The following JUP variants were observed in gnomAD, a reference collection of about 807,000 sequenced individuals.
JUP encodes the protein junction plakoglobin, also known as catenin (cadherin-associated protein), gamma 80kDa.
A neutral mutation model predicts 71.1 loss-of-function variants in JUP; 28 were observed. The ratio of observed to expected loss-of-function variants is 0.39; its 90% confidence interval spans 0.29 to 0.54. JUP has a LOEUF of 0.54. Ranked by LOEUF, JUP falls within the 20% of genes least tolerant of loss-of-function variation. JUP has a pLI of 0.62. For synonymous variants in JUP, 401 were observed against 438.9 expected (o/e 0.91, Z 1.08); for missense variants, 869 against 1,030.1 (o/e 0.84, Z 2.14).
Position 41,758,726 on chromosome 17 carries a change from G to C in JUP, c.1642C>G (p.Gln548Glu), listed in dbSNP as rs782728300. Reference sequence around the variant, plus strand: ...ACCAGCTCACATACCGTGTAGGGCTGCTGTGTGCCTGCAGCTACGTGGCGC... The same window carrying C: ...ACCAGCTCACATACCGTGTAGGGCTCCTGTGTGCCTGCAGCTACGTGGCGC... The part of the protein sequence containing the change: ...AQRHVAAGTQ[Q>E]PYTDGVRMEE... Residue 548 changes from glutamine to glutamate, a missense_variant, in exon 9 of 14, where the codon CAG (glutamine) becomes GAG (glutamate). Physicochemically the swap from Gln to Glu is conservative, Grantham distance 29. Transcript: ENST00000393931. 2 of 1,601,478 alleles carry C rather than the reference G, an allele frequency of 1.2e-6. No homozygotes were observed. The highest frequency in any genetic ancestry group is 2.7e-5 in the African/African-American group (2 of 74,658).
In JUP at chr17:41,767,334, C is replaced by A. The variant is rs1442839151; in HGVS notation, c.909+45G>T. The A allele has an allele frequency of 1.9e-6, 3 of 1,548,760 alleles. No homozygotes were observed. The East Asian group carries it at 6.7e-5, about 35-fold the overall frequency. ...CAAGGCTGTGCAGGATAGAAGATGG[C>A]GCAAGGGTGGGCTTCAGGCCTCGGG... On this transcript the variant is annotated intron_variant, in intron 5 of 13. Transcript: ENST00000393931.
chr17:41,768,914 G>A (rs1916121030), intron 4 of JUP, 55 bp downstream of exon 4: 11 of 1,334,516 alleles, frequency 8.2e-6, no homozygotes, highest in Non-Finnish European at 1.2e-5. Flanking sequence ...GAAGGGAGGG[G>A]AGAGGCCCAA....
chr17:41,772,926 G>C (rs1207326003), intron 1 of JUP: 5 of 985,378 alleles, frequency 5.1e-6, no homozygotes, highest in Non-Finnish European at 6.0e-6. Context: ...GAGGTCAGAG[G>C]CTGCGGGGAG....
chr17:41,758,255 A>T, intron 10 of JUP, 144 bp downstream of exon 10: 3 of 954,472 alleles, frequency 3.1e-6, no homozygotes, highest in Non-Finnish European at 4.8e-6. Context: ...GTTGCTAAGT[A>T]GTCAATCTGG....
intron 13 of JUP, 139 bp from the exon 14 acceptor site, chr17:41,756,034 A>ATCCACATGTACCCCAG: frequency 7.5e-7 from 1 of 1,334,012 alleles, no homozygotes; most frequent in Non-Finnish European, 1.1e-6. Context: ...ACACCAGGGC[A>ATCCACATGTACCCCAG]TCTAGACTGG....
intron 4 of JUP, among the ~76,000 whole-genome samples, chr17:41,768,682 C>A (rs1243282675): frequency 6.6e-6 from 1 of 152,216 alleles, no homozygotes; most frequent in East Asian, 1.9e-4. Context: ...TTCCTCTGCA[C>A]TAGCCAAACT....
At chr17:41,759,484 C>T (rs80042105) in intron 8 of JUP, among the ~76,000 whole-genome samples, 1 of 151,568 alleles carries the variant, frequency 6.6e-6, no homozygotes, top group Non-Finnish European at 1.5e-5. Context: ...AACCACCCCC[C>T]ACAGACACCA....
chr17:41,774,233 G>C (rs143452812), intron 1 of JUP, among the ~76,000 whole-genome samples: 2,340 of 151,918 alleles, frequency 0.015, 36 homozygotes, highest in Non-Finnish European at 0.021. Flanking sequence ...GGATGCCATG[G>C]GGGGGTGGGG....
chr17:41,760,236 GT>G (rs761170665), intron 8 of JUP, among the ~76,000 whole-genome samples: 1 of 151,088 alleles, frequency 6.6e-6, no homozygotes. Context: ...TCTGCACTGG[GT>G]TTTTTTTGTT....
chr17:41,767,379 C>T lies in JUP; in HGVS notation c.909G>A (p.Lys303=). ...CTCGGGAGAGTTGGGGAGGGCCCAC[C>T]TTGCTCTCCTGGTTGCCGTAGGCCA... ...QLLAYGNQES[K]LIILANGGPQ... Residue 303 remains lysine (K), a splice_region_variant and synonymous_variant, in exon 5 of 14, where the codon AAG becomes AAA. Coordinates refer to ENST00000393931, the MANE Select transcript of JUP (RefSeq NM_002230.4). The T allele has an allele frequency of 6.2e-7, 1 of 1,613,972 alleles. No individual in the cohort carries two copies. The highest frequency in any genetic ancestry group is 1.1e-5 in the South Asian group (1 of 91,076).
At chr17:41,774,909 T>G (rs1236174541) in intron 1 of JUP, among the ~76,000 whole-genome samples, 1 of 151,894 alleles carries the variant, frequency 6.6e-6, no homozygotes, top group Non-Finnish European at 1.5e-5. Context: ...AAGACCATCC[T>G]GGTCAACATG....
At chr17:41,767,230 T>C (rs1555604419) in intron 5 of JUP, 149 bp downstream of exon 5, 1 of 664,370 alleles carries the variant, frequency 1.5e-6, no homozygotes, top group Non-Finnish European at 2.6e-6. Context: ...AAATAATAAT[T>C]CTGGGCAATT....
intron 1 of JUP, among the ~76,000 whole-genome samples, chr17:41,783,911 A>C (rs1256433153): frequency 2.0e-5 from 3 of 151,706 alleles, no homozygotes; most frequent in Non-Finnish European, 2.9e-5. Flanking sequence ...AAAAAAAAAA[A>C]AAAAAAGAAA....
At position 41,771,662 on chromosome 17, in the gene JUP, C is replaced by A. The variant is rs727503100; in HGVS notation, c.193G>T (p.Val65Leu). 6.8e-6 allele frequency: 11 copies of A among 1,613,246 alleles called. No homozygotes were observed. Among genetic ancestry groups the A allele is most frequent in the South Asian group, 4.4e-5 (4 of 91,066 alleles). Residue 65 changes from valine (V) to leucine (L), a missense_variant, in exon 2 of 14, where the codon GTG (valine) becomes TTG (leucine). By Grantham distance (32) the Val-to-Leu change is conservative. Coordinates refer to ENST00000393931, the MANE Select transcript of JUP (RefSeq NM_002230.4). Reference protein sequence around the residue: ...LKKTTTYTQGVPPSQGDLEYQ... With the variant: ...LKKTTTYTQGLPPSQGDLEYQ... ...GGGTCCTGACCTTGGCTGGGGGGCA[C>A]CCCCTGGGTGTAAGTGGTGGTTTTC... is the stretch of plus-strand genomic sequence containing the variant.
At chr17:41,759,968 C>G (rs1376919804) in intron 8 of JUP, among the ~76,000 whole-genome samples, 2 of 151,730 alleles carry the variant, frequency 1.3e-5, no homozygotes, top group Admixed American at 1.3e-4. Flanking sequence ...AATCCTAGCA[C>G]TTTGGGAGGC....
intron 1 of JUP, chr17:41,772,713 T>C: frequency 1.3e-6 from 1 of 748,246 alleles, no homozygotes; most frequent in Non-Finnish European, 1.6e-6. Flanking sequence ...CTTCCTCACC[T>C]CCTGGTCTCC....
In JUP at chr17:41,769,620, A is replaced by G. The variant is rs542745694; in HGVS notation, c.266T>C (p.Met89Thr). ...GTCCTCGCCTGACACACCAGGGCAC[A>G]TGGCCTCCCGCACCCGTTTGGCCCT... The part of the protein sequence containing the change: ...TARAKRVREA[M>T]CPGVSGEDSS... Residue 89 changes from methionine (M) to threonine (T), a missense_variant, in exon 3 of 14, where the codon ATG (methionine) becomes ACG (threonine). Transcript: ENST00000393931. The G allele has an allele frequency of 1.2e-5, 19 of 1,605,972 alleles. No individual in the cohort carries two copies. The Admixed American group carries it at 2.1e-4, about 17-fold the overall frequency.
intron 8 of JUP, among the ~76,000 whole-genome samples, chr17:41,760,645 C>CT (rs1215528896): frequency 6.6e-6 from 1 of 152,198 alleles, no homozygotes; most frequent in African/African-American, 2.4e-5. Flanking sequence ...ACTGCAACCT[C>CT]TGCCTTCCGG....
At chr17:41,771,179 G>A (rs1457325055) in intron 2 of JUP, among the ~76,000 whole-genome samples, 1 of 152,134 alleles carries the variant, frequency 6.6e-6, no homozygotes, top group Non-Finnish European at 1.5e-5. Flanking sequence ...ACAGGTGCAT[G>A]CGCCACCACA....
Sources: allele counts gnomAD v4.1 joint callset (sites outside exome capture counted in the v4.1 genomes callset), GRCh38; gene constraint gnomAD v4.1.1; transcripts MANE v1.5; gene names NCBI Gene and HGNC (gene_info 2026-07-23, HGNC 2026-07-21).